The following RPTOR variants were observed in gnomAD, a reference collection of about 807,000 sequenced individuals.
The protein encoded by RPTOR is regulatory associated protein of MTOR complex 1, also known as regulatory-associated protein of mTOR.
RPTOR carries 21 observed loss-of-function variants against 169.9 expected under a neutral mutation model. That is an observed-to-expected ratio of 0.12 (90% CI 0.09 to 0.18). The LOEUF (loss-of-function observed/expected upper bound fraction) is 0.18. RPTOR is among the 10% of genes least tolerant of loss of function. RPTOR has a pLI of 1.00. For synonymous variants in RPTOR, 732 were observed against 753.2 expected, an observed-to-expected ratio of 0.97 and a Z score of 0.46; for missense variants, 1,133 against 1,855.9, an observed-to-expected ratio of 0.61 and a Z score of 7.16.
intron 6 of RPTOR, among the ~76,000 whole-genome samples, chr17:80,759,166 G>C (rs900511098): frequency 6.6e-6 from 1 of 151,824 alleles, no homozygotes; most frequent in African/African-American, 2.4e-5. Context: ...ACCAGCCCTG[G>C]GAACACAGGG....
intron 6 of RPTOR, among the ~76,000 whole-genome samples, chr17:80,779,287 G>C (rs1180303967): frequency 2.0e-5 from 3 of 152,160 alleles, no homozygotes; most frequent in African/African-American, 4.8e-5. Context: ...TACATCCCAG[G>C]ACACTCTCAC....
intron 5 of RPTOR, among the ~76,000 whole-genome samples, chr17:80,750,542 C>T (rs557648656): frequency 4.6e-5 from 7 of 152,300 alleles, no homozygotes; most frequent in Admixed American, 1.3e-4. Context: ...CTTCCCGTGC[C>T]CTCCCAGCAC....
At chr17:80,919,256 C>T (rs2068716247) in intron 21 of RPTOR, among the ~76,000 whole-genome samples, 1 of 152,190 alleles carries the variant, frequency 6.6e-6, no homozygotes. Flanking sequence ...GAAGAAATAG[C>T]AGCACACGCT....
At chr17:80,600,014 A>AAC (rs1280724747) in intron 1 of RPTOR, among the ~76,000 whole-genome samples, 1 of 152,174 alleles carries the variant, frequency 6.6e-6, no homozygotes. Context: ...TCCTCAAGTG[A>AAC]AGAAAGGGCT....
At chr17:80,649,838 G>A (rs2065625737) in intron 3 of RPTOR, among the ~76,000 whole-genome samples, 2 of 152,184 alleles carry the variant, frequency 1.3e-5, no homozygotes, top group Non-Finnish European at 2.9e-5. Flanking sequence ...CGTGTTCAGT[G>A]AGAACTCTGA....
Position 80,570,837 on chromosome 17 carries a change from C to G in RPTOR, c.162+25046C>G, listed in dbSNP as rs189221071. ...CTTTCACTGAACCTAATTATCCCCC[C>G]CAGTGGAGTTTCACTTTCCAACTTA... is the stretch of plus-strand genomic sequence containing the variant. On this transcript the variant is annotated intron_variant, in intron 1 of 33. Transcript: ENST00000306801. Among the ~76,000 whole-genome samples the G allele has an allele frequency of 7.2e-5, 11 of 152,294 alleles. No homozygotes were observed. In the East Asian group the frequency reaches 2.1e-3, roughly 29 times the overall value.
chr17:80,551,886 T>C (rs11150862), intron 1 of RPTOR, among the ~76,000 whole-genome samples: 91,787 of 150,086 alleles, frequency 0.61, 28,613 homozygotes, highest in Middle Eastern at 0.71. Context: ...CCTTCCGCAG[T>C]GTTTGTGTCC....
chr17:80,601,553 G>GTTTTCTTT (rs1414581021), intron 1 of RPTOR, among the ~76,000 whole-genome samples: 1 of 8,656 alleles, frequency 1.2e-4, no homozygotes, highest in African/African-American at 2.6e-4. Flanking sequence ...AGATGGTTCA[G>GTTTTCTTT]TCTTTTTTTT....
Position 80,611,950 on chromosome 17 carries a change from T to C in RPTOR, c.163-13741T>C, listed in dbSNP as rs2065274768. Among the ~76,000 whole-genome samples, 6 of 152,314 alleles carry C rather than the reference T, an allele frequency of 3.9e-5. No individual in the cohort carries two copies. The South Asian group carries it at 1.2e-3, about 32-fold the overall frequency. On this transcript the variant is annotated intron_variant, in intron 1 of 33. Coordinates refer to ENST00000306801, the MANE Select transcript of RPTOR (RefSeq NM_020761.3). ...TGGCATCATTTCACTTGTCTTTTCA[T>C]TCCCTGCATTTCCTGCAAACTGGAA...
rs1396022084 is a variant in RPTOR at position 80,964,813 on chromosome 17, TCA to T, written c.*486_*487del. 6 of 240,588 alleles carry T rather than the reference TCA, an allele frequency of 2.5e-5. No homozygotes were observed. The South Asian group carries it at 4.8e-4, about 19-fold the overall frequency. The allele number at this position is 240,588 out of a possible 1,614,324, so 14.9% of individuals were successfully genotyped here. ...CTGCCCCAGCCAGGCCCACCACCTCTCACAGTCAGTGCACGCAAGCAGGGACA... is the reference window on the plus strand; with the variant it reads ...CTGCCCCAGCCAGGCCCACCACCTCTCAGTCAGTGCACGCAAGCAGGGACA... On this transcript the variant is annotated 3_prime_UTR_variant, in exon 34 of 34. Coordinates refer to ENST00000306801, the MANE Select transcript of RPTOR (RefSeq NM_020761.3).
At chr17:80,687,973 T>C (rs2065961655) in intron 3 of RPTOR, among the ~76,000 whole-genome samples, 1 of 152,172 alleles carries the variant, frequency 6.6e-6, no homozygotes, top group Non-Finnish European at 1.5e-5. Flanking sequence ...CGGTACTGCC[T>C]GAAGCTTCAC....
At position 80,960,093 on chromosome 17, in the gene RPTOR, G is replaced by A. The variant is rs755216173; in HGVS notation, c.3493G>A (p.Ala1165Thr). 3.1e-6 allele frequency: 5 copies of A among 1,613,624 alleles called. No individual in the cohort carries two copies. Among genetic ancestry groups the A allele is most frequent in the South Asian group, 2.2e-5 (2 of 91,084 alleles). Residue 1165 changes from alanine to threonine, a missense_variant, in exon 30 of 34, where the codon GCA (alanine) becomes ACA (threonine). Physicochemically the swap from Ala to Thr is moderately conservative, Grantham distance 58. Around this residue, in one of 9 missense-constraint regions of RPTOR, gnomAD observed 410 missense variants for 623.7 expected, o/e 0.66. Coordinates refer to ENST00000306801, the MANE Select transcript of RPTOR (RefSeq NM_020761.3). The surrounding 1 kb of genome is among the most constrained non-coding windows in gnomAD (Gnocchi z 4.8). ...TTGGCTCTAGGACATCCCTACGGGC[G>A]CAGACAGCTGTGTGACGAGTCTGTC... is the stretch of plus-strand genomic sequence containing the variant. ...EMKVQDIPTG[A>T]DSCVTSLSCD...
Position 80,893,768 on chromosome 17 carries a change from C to G in RPTOR, c.2304C>G (p.Thr768=). 6.2e-7 allele frequency: 1 copy of G among 1,601,660 alleles called. No individual in the cohort carries two copies. Residue 768 remains threonine (T), a synonymous_variant, in exon 20 of 34, where the codon ACC becomes ACG. Coordinates refer to ENST00000306801, the MANE Select transcript of RPTOR (RefSeq NM_020761.3). ...NLSTSSSASS[T]LGSPENEEHI... is the part of the protein sequence containing the mutation. The stretch of plus-strand genomic sequence containing the variant: ...GCACCAGCAGCAGCGCCAGCAGCAC[C>G]CTGGGCAGCCCCGAGAATGAGGAGC...
chr17:80,950,108 C>T (rs2069154868), intron 28 of RPTOR, among the ~76,000 whole-genome samples: 1 of 152,236 alleles, frequency 6.6e-6, no homozygotes, highest in Non-Finnish European at 1.5e-5. Flanking sequence ...TCTGGAAGGA[C>T]TCAGGCAGGA....
At position 80,878,916 on chromosome 17, in the gene RPTOR, C is replaced by T. The variant is rs927947220; in HGVS notation, c.1510-1499C>T. Among the ~76,000 whole-genome samples, 5 of 152,162 alleles carry T rather than the reference C, an allele frequency of 3.3e-5. No individual in the cohort carries two copies. In the East Asian group the frequency reaches 7.7e-4, roughly 23 times the overall value. Reference sequence around the variant, plus strand: ...CAGAGCCGGCCTGTTTCCTCCAGGACGCCCACAGGACCCTCGGAAGCCCCT... The same window carrying T: ...CAGAGCCGGCCTGTTTCCTCCAGGATGCCCACAGGACCCTCGGAAGCCCCT... On this transcript the variant is annotated intron_variant, in intron 13 of 33. Coordinates refer to ENST00000306801, the MANE Select transcript of RPTOR (RefSeq NM_020761.3). This position sits in a 1 kb window ranked among gnomAD's most constrained non-coding sequence, Gnocchi z 4.1.
Position 80,730,503 on chromosome 17 carries a change from C to T in RPTOR, c.508-57C>T. 1 of 1,592,484 alleles carries T rather than the reference C, an allele frequency of 6.3e-7. No individual in the cohort carries two copies. Among genetic ancestry groups the T allele is most frequent in the Non-Finnish European group, 8.6e-7 (1 of 1,162,458 alleles). On this transcript the variant is annotated intron_variant, in intron 4 of 33. Transcript: ENST00000306801. The surrounding 1 kb of genome is among the most constrained non-coding windows in gnomAD (Gnocchi z 4.2). Reference sequence around the variant, plus strand: ...CCTTTTGTAACGGTGCAGTACTCACCAGCAGCCCATATTCCTGAGACGCAC... The same window carrying T: ...CCTTTTGTAACGGTGCAGTACTCACTAGCAGCCCATATTCCTGAGACGCAC...
At chr17:80,828,716 C>G (rs1276815550) in intron 9 of RPTOR, among the ~76,000 whole-genome samples, 2 of 152,202 alleles carry the variant, frequency 1.3e-5, no homozygotes, top group Admixed American at 6.5e-5. Flanking sequence ...AAAAACCAAG[C>G]AACGGGACTA....
rs772985028 is a variant in RPTOR at position 80,966,000 on chromosome 17, C to T, written c.*1670C>T. 1 of 233,442 alleles carries T rather than the reference C, an allele frequency of 4.3e-6. No individual in the cohort carries two copies. Among genetic ancestry groups the T allele is most frequent in the Non-Finnish European group, 8.5e-6 (1 of 118,178 alleles). The allele number at this position is 233,442 out of a possible 1,614,324, so 14.5% of individuals were successfully genotyped here. ...AATCTTCCAGAAGCCCAGCTCCACC[C>T]GCACACGCAGCTTCCCATCCAGTCC... is the stretch of plus-strand genomic sequence containing the variant. On this transcript the variant is annotated 3_prime_UTR_variant, in exon 34 of 34. Coordinates refer to ENST00000306801, the MANE Select transcript of RPTOR (RefSeq NM_020761.3).
intron 1 of RPTOR, among the ~76,000 whole-genome samples, chr17:80,578,916 G>A (rs188045612): frequency 2.6e-5 from 4 of 152,276 alleles, no homozygotes; most frequent in South Asian, 2.1e-4. Flanking sequence ...CTCCCTCCTC[G>A]CCTGCCAGCC....
Sources: gnomAD v4.1 joint callset for allele counts (sites outside exome capture counted in the v4.1 genomes callset) on GRCh38, gnomAD v4.1.1 for gene constraint, gnomAD v4.1.1 regional missense constraint, Gnocchi (gnomAD v3.1) non-coding constraint, MANE v1.5 for transcripts, NCBI Gene and HGNC (gene_info 2026-07-23, HGNC 2026-07-21) for gene names.